Variants in CRPPA observed in about 807,000 individuals in gnomAD.
CRPPA encodes the protein D-ribitol-5-phosphate cytidylyltransferase.
Under a neutral mutation model 52.0 loss-of-function variants are expected in CRPPA, and 43 were observed. The observed-to-expected ratio is 0.83, with a 90% CI of 0.65 to 1.07. The LOEUF (loss-of-function observed/expected upper bound fraction) is 1.07. Among genes scored for constraint, CRPPA ranks in the 50% least tolerant of loss-of-function variants. The probability of loss-of-function intolerance (pLI) is 0.00; values close to 1 mark genes in which losing one functional copy is unlikely to be tolerated. For missense variants in CRPPA, 629 were observed against 551.7 expected (o/e 1.14, Z -1.40); for synonymous variants, 250 against 203.5 (o/e 1.23, Z -1.94).
rs115230533 is a variant in CRPPA, at chr7:16,367,889, G to A, written c.684+8203C>T. 1.9e-3 allele frequency among the ~76,000 whole-genome samples: 296 copies of A among 152,152 alleles called. 2 individuals are homozygous for A. The highest frequency in any genetic ancestry group is 6.7e-3 in the African/African-American group (280 of 41,514). ...CACTTAAATATTACATGTCTCCATCGTCAAGTCTAAGAAATCAAAGCAAAA... is the reference window on the plus strand; with the variant it reads ...CACTTAAATATTACATGTCTCCATCATCAAGTCTAAGAAATCAAAGCAAAA... On this transcript the variant is annotated intron_variant, in intron 3 of 9. Transcript: ENST00000407010.
rs533073741 is a variant in CRPPA at position 16,162,089 on chromosome 7, G to C, written c.1251+53977C>G. On this transcript the variant is annotated intron_variant, in intron 9 of 9. Transcript: ENST00000407010. The stretch of plus-strand genomic sequence containing the variant: ...GATTCTTCTCTTTTCTTCTTTATTG[G>C]TATGGCTACTGGTCTATTTTCTTAA... Among the ~76,000 whole-genome samples, 3 of 151,502 alleles carry C rather than the reference G, an allele frequency of 2.0e-5. No homozygotes were observed. In the East Asian group the frequency reaches 5.8e-4, roughly 30 times the overall value.
chr7:16,338,972 C>T (rs945832496), intron 3 of CRPPA, among the ~76,000 whole-genome samples: 8 of 151,950 alleles, frequency 5.3e-5, no homozygotes, highest in Admixed American at 6.6e-5. Flanking sequence ...TCCGTCACCA[C>T]GCCGGCTAAT....
chr7:16,271,469 G>T (rs1382477262), intron 6 of CRPPA, among the ~76,000 whole-genome samples: 1 of 152,068 alleles, frequency 6.6e-6, no homozygotes, highest in African/African-American at 2.4e-5. Context: ...GGTAACAGTA[G>T]AAGTGGTAAA....
intron 9 of CRPPA, among the ~76,000 whole-genome samples, chr7:16,155,166 T>C (rs1783153668): frequency 6.6e-6 from 1 of 152,116 alleles, no homozygotes; most frequent in Admixed American, 6.5e-5. Flanking sequence ...ACTGCCACTT[T>C]GTCTGTATTG....
rs149402380 is a variant in CRPPA at position 16,150,071 on chromosome 7, T to A, written c.1252-58272A>T. 3.0e-3 allele frequency among the ~76,000 whole-genome samples: 450 copies of A among 152,118 alleles called. 3 individuals are homozygous for A. Among genetic ancestry groups the A allele is most frequent in the African/African-American group, 0.01 (432 of 41,532 alleles). ...TTATTTTTTTAACCTCATTGAGACATTATGTGTACAACGAAACTGGTATTC... is the reference window on the plus strand; with the variant it reads ...TTATTTTTTTAACCTCATTGAGACAATATGTGTACAACGAAACTGGTATTC... On this transcript the variant is annotated intron_variant, in intron 9 of 9. Coordinates refer to ENST00000407010, the MANE Select transcript of CRPPA (RefSeq NM_001101426.4).
intron 6 of CRPPA, chr7:16,277,150 G>A (rs1301657723): frequency 6.6e-6 from 1 of 151,976 alleles, no homozygotes; most frequent in Non-Finnish European, 1.5e-5. Context: ...TTACAGATAA[G>A]GAAATTAGGA....
At chr7:16,232,700 A>G (rs1782834823) in intron 8 of CRPPA, among the ~76,000 whole-genome samples, 1 of 151,816 alleles carries the variant, frequency 6.6e-6, no homozygotes, top group South Asian at 2.1e-4. Flanking sequence ...TGAAAGATCA[A>G]AAAAACAAGA....
At chr7:16,350,430 A>G (rs1786118541) in intron 3 of CRPPA, among the ~76,000 whole-genome samples, 1 of 152,154 alleles carries the variant, frequency 6.6e-6, no homozygotes, top group Non-Finnish European at 1.5e-5. Context: ...CTAAAGCTGG[A>G]ATAATTTCTT....
At chr7:16,330,727 GA>G (rs2128429863) in intron 3 of CRPPA, among the ~76,000 whole-genome samples, 1 of 152,192 alleles carries the variant, frequency 6.6e-6, no homozygotes, top group South Asian at 2.1e-4. Context: ...TTCCAGCAGG[GA>G]GAAGGAAAAT....
At chr7:16,143,209 A>G (rs1405324911) in intron 9 of CRPPA, among the ~76,000 whole-genome samples, 1 of 152,092 alleles carries the variant, frequency 6.6e-6, no homozygotes, top group East Asian at 1.9e-4. Context: ...CCTGCAGACA[A>G]TTTTCCTCTC....
rs1211379261 is a variant in CRPPA, at chr7:16,376,241, C to T, written c.535G>A (p.Ala179Thr). ...KVVTAAKEHG[A>T]AGAIRPLVST... The stretch of plus-strand genomic sequence containing the variant: ...ACAAGAGGTCGAATGGCTCCTGCTG[C>T]CTGAAGAACAAAGAGGCAAAGAATA... Residue 179 changes from alanine (A) to threonine (T), a missense_variant and splice_region_variant, in exon 3 of 10, where the codon GCA becomes ACA. By Grantham distance (58) the Ala-to-Thr change is moderately conservative. Coordinates refer to ENST00000407010, the MANE Select transcript of CRPPA (RefSeq NM_001101426.4). 2 of 1,595,282 alleles carry T rather than the reference C, an allele frequency of 1.3e-6. No individual in the cohort carries two copies. The highest frequency in any genetic ancestry group is 1.1e-5 in the South Asian group (1 of 87,066).
chr7:16,322,192 T>C (rs569315821), intron 3 of CRPPA, among the ~76,000 whole-genome samples: 7 of 152,226 alleles, frequency 4.6e-5, no homozygotes, highest in African/African-American at 1.4e-4. Context: ...ATACGTAATA[T>C]TGGCTTTGGA....
At chr7:16,342,772 A>T (rs1562643038) in intron 3 of CRPPA, among the ~76,000 whole-genome samples, 10 of 36,710 alleles carry the variant, frequency 2.7e-4, no homozygotes, top group Middle Eastern at 0.013. Flanking sequence ...ACAAAAAAAA[A>T]AAAAAAAAAA....
At chr7:16,307,650 G>A (rs1447233842) in intron 4 of CRPPA, among the ~76,000 whole-genome samples, 3 of 140,554 alleles carry the variant, frequency 2.1e-5, no homozygotes, top group African/African-American at 8.2e-5. Flanking sequence ...CCTCCAGCCT[G>A]GGCCAGAAGA....
chr7:16,099,051 A>G (rs1340521375), intron 9 of CRPPA, among the ~76,000 whole-genome samples: 2 of 152,110 alleles, frequency 1.3e-5, no homozygotes, highest in African/African-American at 4.8e-5. Flanking sequence ...CTTACAATAC[A>G]GTAGGAATTC....
chr7:16,360,279 A>G (rs1414627848), intron 3 of CRPPA, among the ~76,000 whole-genome samples: 1 of 152,190 alleles, frequency 6.6e-6, no homozygotes, highest in Non-Finnish European at 1.5e-5. Context: ...AAAGTCATCA[A>G]TTCTCATAGT....
intron 8 of CRPPA, among the ~76,000 whole-genome samples, chr7:16,235,746 T>C (rs1782933336): frequency 1.3e-5 from 2 of 152,114 alleles, no homozygotes; most frequent in Non-Finnish European, 2.9e-5. Context: ...TACTAAATGA[T>C]TTTCAAGATC....
rs1248716251 is a variant in CRPPA, at chr7:16,287,731, G to T, written c.836-9505C>A. On this transcript the variant is annotated intron_variant, in intron 5 of 9. Transcript: ENST00000407010. ...GAGGTCAGAAGTTCAAGACCAGCCT[G>T]GCCAATATGGCAAAACCCTGTCTCT... is the stretch of plus-strand genomic sequence containing the variant. Among the ~76,000 whole-genome samples the T allele has an allele frequency of 2.6e-5, 4 of 152,130 alleles. No homozygotes were observed. The East Asian group carries it at 5.8e-4, about 22-fold the overall frequency.
chr7:16,400,320 C>A (rs1370346897), intron 2 of CRPPA, among the ~76,000 whole-genome samples: 1 of 152,180 alleles, frequency 6.6e-6, no homozygotes, highest in African/African-American at 2.4e-5. Context: ...TGACACTTGA[C>A]CAACACCTGA....
Sources: allele counts gnomAD v4.1 joint callset (sites outside exome capture counted in the v4.1 genomes callset), GRCh38; gene constraint gnomAD v4.1.1; transcripts MANE v1.5; gene names NCBI Gene and HGNC (gene_info 2026-07-23, HGNC 2026-07-21).